Variants in SUSD4 observed in about 807,000 individuals in gnomAD.
SUSD4 encodes the protein sushi domain-containing protein 4.
Under a neutral mutation model 50.5 loss-of-function variants are expected in SUSD4, and 41 were observed. That is an observed-to-expected ratio of 0.81 (90% CI 0.63 to 1.05). The LOEUF (loss-of-function observed/expected upper bound fraction) is 1.05. SUSD4 is among the 50% of genes least tolerant of loss of function. The pLI, the probability that SUSD4 is intolerant of heterozygous loss-of-function variation, is 0.00. For synonymous variants in SUSD4, 257 were observed against 257.3 expected (o/e 1.00, Z 0.01); for missense variants, 580 against 634.7 (o/e 0.91, Z 0.93).
At chr1:223,254,897 G>A (rs996918599) in intron 5 of SUSD4, among the ~76,000 whole-genome samples, 1 of 139,894 alleles carries the variant, frequency 7.1e-6, no homozygotes, top group African/African-American at 2.4e-5. Context: ...TGTAATATAT[G>A]AACAGTACAT....
In SUSD4 at chr1:223,328,480, T is replaced by C. The variant is rs536585723; in HGVS notation, c.148+34798A>G. On this transcript the variant is annotated intron_variant, in intron 2 of 8. Coordinates refer to ENST00000366878, the MANE Select transcript of SUSD4 (RefSeq NM_017982.4). ...ATTCTGTTCTTGAGAAGTTCTCAAT[T>C]CTTCTGGTGAGACTTTTCAGTGACT... 6.6e-5 allele frequency among the ~76,000 whole-genome samples: 10 copies of C among 152,338 alleles called. No individual in the cohort carries two copies. The South Asian group carries it at 2.1e-3, about 32-fold the overall frequency.
chr1:223,320,051 A>T (rs1048322960), intron 2 of SUSD4, among the ~76,000 whole-genome samples: 4 of 152,232 alleles, frequency 2.6e-5, no homozygotes, highest in African/African-American at 9.6e-5. Context: ...AGTGCTCCTA[A>T]GAGCTGGCAC....
chr1:223,362,945 TC>T (rs72009594), intron 2 of SUSD4, among the ~76,000 whole-genome samples: 1,868 of 93,268 alleles, frequency 0.02, 35 homozygotes, highest in South Asian at 0.048. Flanking sequence ...CCCCCACCCC[TC>T]CCCCCCCCGC....
chr1:223,259,595 G>A (rs941555760), intron 5 of SUSD4, among the ~76,000 whole-genome samples: 1 of 152,186 alleles, frequency 6.6e-6, no homozygotes, highest in African/African-American at 2.4e-5. Context: ...AAACCTGAAT[G>A]TGAAGAGAAT....
intron 5 of SUSD4, among the ~76,000 whole-genome samples, chr1:223,259,724 G>A (rs1413735427): frequency 6.6e-6 from 1 of 152,158 alleles, no homozygotes; most frequent in Non-Finnish European, 1.5e-5. Context: ...TGGGGATTCT[G>A]GGCAGTTAGT....
intron 2 of SUSD4, among the ~76,000 whole-genome samples, chr1:223,347,940 G>A (rs1041509221): frequency 6.6e-5 from 10 of 152,012 alleles, no homozygotes; most frequent in Admixed American, 1.3e-4. Context: ...AACCAGTTGT[G>A]AAACCAGCAC....
At chr1:223,361,904 G>C (rs1463108401) in intron 2 of SUSD4, among the ~76,000 whole-genome samples, 1 of 152,200 alleles carries the variant, frequency 6.6e-6, no homozygotes, top group African/African-American at 2.4e-5. Context: ...GCAGATTAGA[G>C]GCTGTGACCA....
intron 2 of SUSD4, among the ~76,000 whole-genome samples, chr1:223,354,340 CAAAA>C (rs202177795): frequency 7.4e-6 from 1 of 134,402 alleles, no homozygotes; most frequent in Non-Finnish European, 1.6e-5. Context: ...CCTCAGCCTC[CAAAA>C]AAAAAAAAAA....
chr1:223,339,639 C>T (rs967412615), intron 2 of SUSD4, among the ~76,000 whole-genome samples: 1 of 152,230 alleles, frequency 6.6e-6, no homozygotes, highest in Non-Finnish European at 1.5e-5. Flanking sequence ...CTCACGACAC[C>T]TTTTAATGGT....
chr1:223,337,984 T>C (rs73122300), intron 2 of SUSD4, among the ~76,000 whole-genome samples: 10,075 of 152,288 alleles, frequency 0.066, 1,098 homozygotes, highest in African/African-American at 0.23. Flanking sequence ...TAGGGAATAA[T>C]TGAGCTATTT....
At chr1:223,333,016 C>T (rs1667260404) in intron 2 of SUSD4, among the ~76,000 whole-genome samples, 1 of 152,128 alleles carries the variant, frequency 6.6e-6, no homozygotes, top group Non-Finnish European at 1.5e-5. Flanking sequence ...ATGTCAGCAC[C>T]AGGTGCAGGA....
At chr1:223,357,259 G>A (rs1668717002) in intron 2 of SUSD4, among the ~76,000 whole-genome samples, 1 of 152,132 alleles carries the variant, frequency 6.6e-6, no homozygotes, top group Non-Finnish European at 1.5e-5. Context: ...GTGTTGATTT[G>A]TTTATATGTT....
intron 2 of SUSD4, among the ~76,000 whole-genome samples, chr1:223,308,020 A>G (rs1328579150): frequency 6.6e-6 from 1 of 152,222 alleles, no homozygotes; most frequent in Non-Finnish European, 1.5e-5. Flanking sequence ...ATCTGAATAT[A>G]GTGGGATAAC....
intron 3 of SUSD4, among the ~76,000 whole-genome samples, chr1:223,283,819 T>C (rs570418682): frequency 6.6e-6 from 1 of 152,184 alleles, no homozygotes; most frequent in South Asian, 2.1e-4. Flanking sequence ...TAGCAAAGAC[T>C]TGGAACCAAC....
chr1:223,296,201 C>A (rs889680194), intron 2 of SUSD4, among the ~76,000 whole-genome samples: 1 of 152,088 alleles, frequency 6.6e-6, no homozygotes. Flanking sequence ...ATGGAGAGGG[C>A]TACACAGACA....
At chr1:223,225,525 C>T (rs1218545143) in intron 7 of SUSD4, among the ~76,000 whole-genome samples, 1 of 152,150 alleles carries the variant, frequency 6.6e-6, no homozygotes, top group Non-Finnish European at 1.5e-5. Context: ...AAAGGAGGAG[C>T]TTGCTCCGAG....
chr1:223,336,978 A>G (rs1667491929), intron 2 of SUSD4, among the ~76,000 whole-genome samples: 1 of 152,174 alleles, frequency 6.6e-6, no homozygotes, highest in East Asian at 1.9e-4. Flanking sequence ...AAAGGACACC[A>G]CCACCAGCTT....
intron 4 of SUSD4, among the ~76,000 whole-genome samples, chr1:223,268,011 T>TA (rs1558196915): frequency 5.2e-4 from 4 of 7,664 alleles, no homozygotes; most frequent in African/African-American, 1.7e-3. Flanking sequence ...TTCATGCATT[T>TA]TTTATATATA....
intron 3 of SUSD4, among the ~76,000 whole-genome samples, chr1:223,292,195 A>G (rs1047867238): frequency 1.3e-5 from 2 of 152,238 alleles, no homozygotes; most frequent in African/African-American, 4.8e-5. Flanking sequence ...CTGCATTGAC[A>G]AAAATGGTGA....
Sources: gnomAD v4.1 joint callset for allele counts (sites outside exome capture counted in the v4.1 genomes callset) on GRCh38, gnomAD v4.1.1 for gene constraint, MANE v1.5 for transcripts, NCBI Gene and HGNC (gene_info 2026-07-23, HGNC 2026-07-21) for gene names.